The following REXO4 variants were observed in gnomAD, a reference collection of about 807,000 sequenced individuals.
The protein encoded by REXO4 is RNA exonuclease 4, also known as REX4 homolog, 3'-5' exonuclease.
REXO4 carries 29 observed loss-of-function variants against 39.9 expected under a neutral mutation model. The observed-to-expected ratio is 0.73, with a 90% confidence interval of 0.54 to 0.99. The LOEUF is 0.99. Ranked by LOEUF, REXO4 falls within the 50% of genes least tolerant of loss-of-function variation. The pLI, the probability that REXO4 is intolerant of heterozygous loss-of-function variation, is 0.00. For missense variants in REXO4, 524 were observed against 546.5 expected (o/e 0.96, Z 0.41); for synonymous variants, 184 against 206.2 (o/e 0.89, Z 0.92).
intron 5 of REXO4, among the ~76,000 whole-genome samples, chr9:133,410,502 CCA>C (rs1477851500): frequency 1.3e-5 from 2 of 152,214 alleles, no homozygotes; most frequent in African/African-American, 4.8e-5. Context: ...TTTGCACTTT[CCA>C]TCTGAAGAAC....
intron 2 of REXO4, among the ~76,000 whole-genome samples, chr9:133,413,833 A>C (rs1270427980): frequency 6.6e-6 from 1 of 152,238 alleles, no homozygotes; most frequent in African/African-American, 2.4e-5. Context: ...TGCACTTGAC[A>C]ATAAGCCTCA....
intron 4 of REXO4, among the ~76,000 whole-genome samples, chr9:133,411,992 C>G (rs1839238676): frequency 6.6e-6 from 1 of 151,986 alleles, no homozygotes; most frequent in Non-Finnish European, 1.5e-5. Context: ...GACTTGAACT[C>G]CTGGGTTCAA....
In REXO4 at chr9:133,406,632, G is replaced by A. The variant is rs890958115; in HGVS notation, c.*321C>T. The A allele has an allele frequency of 3.4e-5, 13 of 383,752 alleles. No individual in the cohort carries two copies. The Admixed American group carries it at 4.0e-4, about 12-fold the overall frequency. The allele number at this position is 383,752 out of a possible 1,614,324, so 23.8% of individuals were successfully genotyped here. On this transcript the variant is annotated 3_prime_UTR_variant, in exon 8 of 8. Coordinates refer to ENST00000371942, the MANE Select transcript of REXO4 (RefSeq NM_020385.4). ...ACCGAAGATGGGCAGTGACAGCACCGTATGGACTGGCGGCCCACAGGCCCC... is the reference window on the plus strand; with the variant it reads ...ACCGAAGATGGGCAGTGACAGCACCATATGGACTGGCGGCCCACAGGCCCC...
At chr9:133,418,077 C>A, upstream of REXO4, 1 of 548,628 alleles carries the variant, frequency 1.8e-6, no homozygotes, top group Non-Finnish European at 3.2e-6. Flanking sequence ...AAACCGGATC[C>A]CTGCCTCTGG....
At chr9:133,409,996 C>T (rs1299431013) in intron 5 of REXO4, among the ~76,000 whole-genome samples, 6 of 152,186 alleles carry the variant, frequency 3.9e-5, no homozygotes, top group Admixed American at 3.3e-4. Context: ...CACAGAAGAC[C>T]TTTCTGTGAG....
chr9:133,417,057 C>T (rs1191698027), intron 1 of REXO4, among the ~76,000 whole-genome samples: 4 of 152,248 alleles, frequency 2.6e-5, no homozygotes, highest in African/African-American at 9.6e-5. Flanking sequence ...GTCGCCCAGG[C>T]TGGAGTGCAG....
Position 133,414,928 on chromosome 9 carries a change from G to C in REXO4, c.309C>G (p.Ile103Met), listed in dbSNP as rs782287244. The change falls in exon 2 of 8, where the codon ATC (isoleucine) becomes ATG (methionine). Residue 103 changes from isoleucine (I) to methionine (M), a missense_variant. Transcript: ENST00000371942. ...GCGAGGTCTCTTTTTTGTTTTGCTG[G>C]ATAATTTTGGGCTTCTTTTTGGAAC... ...QMGSKKKPKI[I>M]QQNKKETSPQ... 6 of 1,613,698 alleles carry C rather than the reference G, an allele frequency of 3.7e-6. No individual in the cohort carries two copies. The East Asian group carries it at 1.3e-4, about 36-fold the overall frequency.
At chr9:133,417,422 ATTCT>A (rs1335035667) in intron 1 of REXO4, among the ~76,000 whole-genome samples, 194 bp downstream of exon 1, 1 of 152,240 alleles carries the variant, frequency 6.6e-6, no homozygotes, top group African/African-American at 2.4e-5. Context: ...ACTTGAAATA[ATTCT>A]TTCATCAATT....
chr9:133,412,151 G>T (rs1053927244), intron 4 of REXO4, 148 bp downstream of exon 4: 1 of 810,698 alleles, frequency 1.2e-6, no homozygotes, highest in Non-Finnish European at 2.0e-6. Flanking sequence ...GATGCCTTTT[G>T]TATTTTAAAA....
rs1838885061 is a variant in REXO4 at position 133,406,551 on chromosome 9, G to A, written c.*402C>T. ...AGCTTGTTATGTCCCCTAACACAAAGGAGGAAAATGTGGCTCCTCGAGAGG... is the reference window on the plus strand; with the variant it reads ...AGCTTGTTATGTCCCCTAACACAAAAGAGGAAAATGTGGCTCCTCGAGAGG... On this transcript the variant is annotated 3_prime_UTR_variant, in exon 8 of 8. Coordinates refer to ENST00000371942, the MANE Select transcript of REXO4 (RefSeq NM_020385.4). The A allele has an allele frequency of 4.4e-6, 1 of 227,744 alleles. No individual in the cohort carries two copies. The highest frequency in any genetic ancestry group is 9.0e-6 in the Non-Finnish European group (1 of 110,980). 14.1% of individuals were successfully genotyped at this position (227,744 alleles called of 1,614,324 possible).
chr9:133,408,003 G>C, intron 6 of REXO4, 122 bp from the exon 7 acceptor site: 1 of 684,428 alleles, frequency 1.5e-6, no homozygotes, highest in Non-Finnish European at 2.5e-6. Context: ...TTGCCTCTCA[G>C]TGGAGAGGTG....
In REXO4 at chr9:133,417,619, C is replaced by G; in HGVS notation, c.225+1G>C. On this transcript the variant is annotated splice_donor_variant, in intron 1 of 7. Coordinates refer to ENST00000371942, the MANE Select transcript of REXO4 (RefSeq NM_020385.4). LOFTEE classifies it high-confidence loss of function. The stretch of plus-strand genomic sequence containing the variant: ...TCCGCCCGGGCCCCCTCAAGCCTCA[C>G]CTCTTGCAGCGCCTTCCAGTTTTGA... 1 of 1,613,426 alleles carries G rather than the reference C, an allele frequency of 6.2e-7. No homozygotes were observed. The highest frequency in any genetic ancestry group is 8.5e-7 in the Non-Finnish European group (1 of 1,179,842).
In REXO4 at chr9:133,407,041, T is replaced by G; in HGVS notation, c.1181A>C (p.Tyr394Ser). ...CTCCCACTCCTTCTTCACCATGACG[T>G]ACAGCCTCATTGCTGCCTGGGCATC... ...IQDAQAAMRL[Y>S]VMVKKEWESM... Residue 394 changes from tyrosine to serine, a missense_variant, in exon 8 of 8, where the codon TAC becomes TCC. Tyr to Ser is a moderately radical substitution (Grantham distance 144). Coordinates refer to ENST00000371942, the MANE Select transcript of REXO4 (RefSeq NM_020385.4). 1 of 1,613,378 alleles carries G rather than the reference T, an allele frequency of 6.2e-7. No individual in the cohort carries two copies. The highest frequency in any genetic ancestry group is 8.5e-7 in the Non-Finnish European group (1 of 1,180,014).
At position 133,406,620 on chromosome 9, in the gene REXO4, A is replaced by G. The variant is rs2285481; in HGVS notation, c.*333T>C. 28,218 of 327,892 alleles carry G rather than the reference A, an allele frequency of 0.086. 1,604 individuals carry two copies. The highest frequency in any genetic ancestry group is 0.18 in the African/African-American group (8,631 of 47,910). 20.3% of individuals were successfully genotyped at this position (327,892 alleles called of 1,614,324 possible). ...CCCCAGGGTGTCACCGAAGATGGGC[A>G]GTGACAGCACCGTATGGACTGGCGG... On this transcript the variant is annotated 3_prime_UTR_variant, in exon 8 of 8. Transcript: ENST00000371942.
chr9:133,418,137 T>C, upstream of REXO4: 1 of 445,852 alleles, frequency 2.2e-6, no homozygotes, highest in Non-Finnish European at 4.0e-6. Context: ...GCCGCCGCCT[T>C]AGCCAGCGGC....
intron 4 of REXO4, among the ~76,000 whole-genome samples, chr9:133,411,368 A>C (rs1839204653): frequency 6.6e-6 from 1 of 152,240 alleles, no homozygotes; most frequent in South Asian, 2.1e-4. Flanking sequence ...GAGTGTAGGC[A>C]CTGAGAAACT....
upstream of REXO4, chr9:133,418,118 G>T: frequency 2.0e-6 from 1 of 497,942 alleles, no homozygotes; most frequent in Non-Finnish European, 3.6e-6. Context: ...TCACCCGCAC[G>T]GGACTTGGGC....
At chr9:133,410,828 G>GT (rs985026243) in intron 5 of REXO4, among the ~76,000 whole-genome samples, 157 bp downstream of exon 5, 1 of 152,206 alleles carries the variant, frequency 6.6e-6, no homozygotes, top group African/African-American at 2.4e-5. Flanking sequence ...CTAAAACACA[G>GT]TAAGAACTCA....
chr9:133,418,019 A>G, upstream of REXO4: 1 of 620,058 alleles, frequency 1.6e-6, no homozygotes, highest in Non-Finnish European at 2.8e-6. Context: ...ATACCTCAGC[A>G]CGCACGCTCC....
Sources: allele counts gnomAD v4.1 joint callset (sites outside exome capture counted in the v4.1 genomes callset), GRCh38; gene constraint gnomAD v4.1.1; transcripts MANE v1.5; gene names NCBI Gene and HGNC (gene_info 2026-07-23, HGNC 2026-07-21).